Variants in NF1 observed in about 807,000 individuals in gnomAD.
NF1 encodes neurofibromin 1, also known as neurofibromin.
In NF1, 122 loss-of-function variants were observed where a neutral mutation model predicts 325.7. That is an observed-to-expected ratio of 0.37 (90% CI 0.32 to 0.44). The LOEUF (loss-of-function observed/expected upper bound fraction) is 0.44, where lower values mean the gene tolerates loss of function less well. Among genes scored for constraint, NF1 ranks in the 20% least tolerant of loss-of-function variants. The pLI is 1.00. For synonymous variants in NF1, 1,091 were observed against 1,186.0 expected, an observed-to-expected ratio of 0.92 and a Z score of 1.65; for missense variants, 2,140 against 3,415.4, an observed-to-expected ratio of 0.63 and a Z score of 9.31.
intron 56 of NF1, 132 bp from the exon 57 acceptor site, chr17:31,360,355 C>CT: frequency 3.9e-6 from 3 of 778,498 alleles, no homozygotes; most frequent in Non-Finnish European, 6.4e-6. Flanking sequence ...CTCCACTCCC[C>CT]TTTTTTAATG....
chr17:31,157,785 C>T (rs1693299097), intron 2 of NF1, among the ~76,000 whole-genome samples: 1 of 143,548 alleles, frequency 7.0e-6, no homozygotes, highest in African/African-American at 2.6e-5. Flanking sequence ...TGGTGAAACC[C>T]CGTCTCTACT....
chr17:31,360,639 T>G lies in NF1; in HGVS notation c.8313T>G (p.Ser2771Arg). The G allele has an allele frequency of 1.2e-6, 2 of 1,614,168 alleles. No homozygotes were observed. The highest frequency in any genetic ancestry group is 1.7e-6 in the Non-Finnish European group (2 of 1,180,032). ...PYPPALQSQLSITANLNLSNS... is the reference protein window; with the variant it reads ...PYPPALQSQLRITANLNLSNS... Reference sequence around the variant, plus strand: ...CTCCTGCACTGCAGAGCCAGCTTAGTATCACTGCCAACCTTAACCTTTCTA... The same window carrying G: ...CTCCTGCACTGCAGAGCCAGCTTAGGATCACTGCCAACCTTAACCTTTCTA... The change falls in exon 57 of 58, where the codon AGT becomes AGG. Residue 2771 changes from serine (S) to arginine (R), a missense_variant. Ser to Arg is a moderately radical substitution (Grantham distance 110). This residue lies in a region of NF1 where 522 missense variants were observed against 749.0 expected (regional missense o/e 0.70). Transcript: ENST00000358273.
chr17:31,333,269 A>C (rs2069553272), intron 39 of NF1, among the ~76,000 whole-genome samples: 1 of 152,170 alleles, frequency 6.6e-6, no homozygotes, highest in African/African-American at 2.4e-5. Flanking sequence ...TTGGCCTCAT[A>C]ATTCTGCTTT....
chr17:31,261,594 G>A, intron 34 of NF1, 117 bp from the exon 35 acceptor site: 1 of 1,045,168 alleles, frequency 9.6e-7, no homozygotes, highest in East Asian at 2.4e-5. Context: ...GGTCTTTTTG[G>A]TGCTGTTTAC....
intron 12 of NF1, among the ~76,000 whole-genome samples, chr17:31,213,702 A>G (rs2066770218): frequency 1.3e-5 from 2 of 152,210 alleles, no homozygotes; most frequent in African/African-American, 4.8e-5. Context: ...TTAATTCATC[A>G]TATGTCTCTA....
chr17:31,170,140 T>C (rs2065907088), intron 5 of NF1, 143 bp downstream of exon 5: 2 of 625,302 alleles, frequency 3.2e-6, no homozygotes, highest in African/African-American at 3.7e-5. Context: ...TAACCAGTAA[T>C]ACAAATGGGT....
At chr17:31,360,136 T>G in intron 56 of NF1, 1 of 343,202 alleles carries the variant, frequency 2.9e-6, no homozygotes, top group Non-Finnish European at 5.6e-6. Flanking sequence ...GTCTAGTGAG[T>G]GGAATCTAAA....
chr17:31,177,414 A>G (rs1263813352), intron 5 of NF1, among the ~76,000 whole-genome samples: 1 of 126,956 alleles, frequency 7.9e-6, no homozygotes, highest in Non-Finnish European at 1.7e-5. Context: ...AAAAATGGGA[A>G]GAAACCAGTG....
chr17:31,223,185 A>G (rs1314384732), intron 15 of NF1, among the ~76,000 whole-genome samples: 1 of 152,212 alleles, frequency 6.6e-6, no homozygotes, highest in Admixed American at 6.5e-5. Flanking sequence ...GATGAGATAC[A>G]TGGATAGAAA....
Position 31,109,990 on chromosome 17 carries a change from C to T in NF1, c.60+14621C>T, listed in dbSNP as rs537843140. Among the ~76,000 whole-genome samples the T allele has an allele frequency of 3.3e-5, 5 of 152,166 alleles. No individual in the cohort carries two copies. The South Asian group carries it at 6.2e-4, about 19-fold the overall frequency. Reference sequence around the variant, plus strand: ...AGAGGAGGAGCAACTGGTGCAGGCACGCTAGTTTCTTTAGAAATGTCAGCT... The same window carrying T: ...AGAGGAGGAGCAACTGGTGCAGGCATGCTAGTTTCTTTAGAAATGTCAGCT... On this transcript the variant is annotated intron_variant, in intron 1 of 57. Coordinates refer to ENST00000358273, the MANE Select transcript of NF1 (RefSeq NM_001042492.3).
chr17:31,207,137 G>A (rs367642087), intron 12 of NF1, among the ~76,000 whole-genome samples: 2 of 152,054 alleles, frequency 1.3e-5, no homozygotes, highest in African/African-American at 4.8e-5. Flanking sequence ...GGCTGCTGTC[G>A]CTCACATGAT....
intron 8 of NF1, among the ~76,000 whole-genome samples, chr17:31,197,536 A>G (rs919168654): frequency 2.3e-4 from 35 of 152,144 alleles, no homozygotes; most frequent in African/African-American, 8.2e-4. Flanking sequence ...CTCCCTGATT[A>G]ATTCCTATGT....
At chr17:31,318,478 C>T (rs2069085780) in intron 36 of NF1, 3 of 1,613,912 alleles carry the variant, frequency 1.9e-6, no homozygotes, top group African/African-American at 2.7e-5. Flanking sequence ...ATCGCCATTG[C>T]TTCTAGGCTG....
At chr17:31,099,061 C>G (rs1912058360) in intron 1 of NF1, among the ~76,000 whole-genome samples, 1 of 151,976 alleles carries the variant, frequency 6.6e-6, no homozygotes, top group Non-Finnish European at 1.5e-5. Context: ...CTTATTACAG[C>G]TAAGAGTTTG....
chr17:31,336,346 T>C lies in NF1; in HGVS notation c.6020T>C (p.Leu2007Pro). 6.2e-7 allele frequency: 1 copy of C among 1,614,126 alleles called. No homozygotes were observed. ...WGSLGQITDLLDVVLDSFIKT... is the reference protein window; with the variant it reads ...WGSLGQITDLPDVVLDSFIKT... ...TTCTTCAACTAGATTACAGATCTGCTTGATGTTGTACTAGACAGTTTCATC... is the reference window on the plus strand; with the variant it reads ...TTCTTCAACTAGATTACAGATCTGCCTGATGTTGTACTAGACAGTTTCATC... The change falls in exon 41 of 58, where the codon CTT becomes CCT. Residue 2007 changes from leucine (L) to proline (P), a missense_variant. Leu to Pro is a moderately conservative substitution (Grantham distance 98). Coordinates refer to ENST00000358273, the MANE Select transcript of NF1 (RefSeq NM_001042492.3). The surrounding 1 kb of genome is among the most constrained non-coding windows in gnomAD (Gnocchi z 5.5).
At chr17:31,110,469 C>G (rs1298246825) in intron 1 of NF1, among the ~76,000 whole-genome samples, 1 of 152,100 alleles carries the variant, frequency 6.6e-6, no homozygotes, top group East Asian at 1.9e-4. Flanking sequence ...GGTGATCAGC[C>G]TATCTTATCC....
intron 36 of NF1, among the ~76,000 whole-genome samples, chr17:31,292,022 G>C (rs564584345): frequency 4.3e-4 from 66 of 152,304 alleles, no homozygotes; most frequent in Non-Finnish European, 6.9e-4. Flanking sequence ...ACACTGTGAA[G>C]GGTTTATGTG....
At chr17:31,265,566 A>G (rs2067772142) in intron 36 of NF1, among the ~76,000 whole-genome samples, 1 of 151,778 alleles carries the variant, frequency 6.6e-6, no homozygotes, top group Admixed American at 6.6e-5. Flanking sequence ...GTCCTACATC[A>G]TTTTTTAAAA....
At chr17:31,100,437 G>A (rs572646437) in intron 1 of NF1, among the ~76,000 whole-genome samples, 3 of 152,226 alleles carry the variant, frequency 2.0e-5, no homozygotes, top group East Asian at 3.9e-4. Flanking sequence ...TTATGGTGAC[G>A]AATTCTTTAT....
Sources: gnomAD v4.1 joint callset for allele counts (sites outside exome capture counted in the v4.1 genomes callset) on GRCh38, gnomAD v4.1.1 for gene constraint, gnomAD v4.1.1 regional missense constraint, Gnocchi (gnomAD v3.1) non-coding constraint, MANE v1.5 for transcripts, NCBI Gene and HGNC (gene_info 2026-07-23, HGNC 2026-07-21) for gene names.